The following VWA3B variants were observed in gnomAD, a reference collection of about 807,000 sequenced individuals.
The protein encoded by VWA3B is von Willebrand factor A domain-containing protein 3B.
A neutral mutation model predicts 158.3 loss-of-function variants in VWA3B; 138 were observed. The observed-to-expected ratio is 0.87, with a 90% CI of 0.76 to 1.00. The LOEUF (loss-of-function observed/expected upper bound fraction) is 1.00. Ranked by LOEUF, VWA3B falls within the 50% of genes least tolerant of loss-of-function variation. The probability of loss-of-function intolerance (pLI) is 0.00; values close to 1 mark genes in which losing one functional copy is unlikely to be tolerated. For missense variants in VWA3B, 1,555 were observed against 1,565.1 expected, an observed-to-expected ratio of 0.99 and a Z score of 0.11; for synonymous variants, 596 against 587.3, an observed-to-expected ratio of 1.01 and a Z score of -0.21.
chr2:98,287,811 C>G (rs1343313157), intron 22 of VWA3B, among the ~76,000 whole-genome samples: 1 of 152,128 alleles, frequency 6.6e-6, no homozygotes, highest in Non-Finnish European at 1.5e-5. Context: ...GGACCTTGTT[C>G]GTTTTTAAAG....
chr2:98,171,059 T>C (rs748461276), intron 8 of VWA3B, among the ~76,000 whole-genome samples: 2 of 152,242 alleles, frequency 1.3e-5, no homozygotes, highest in Non-Finnish European at 2.9e-5. Flanking sequence ...AGAAAACACA[T>C]GTAAAACACC....
intron 22 of VWA3B, among the ~76,000 whole-genome samples, chr2:98,276,807 CT>C (rs1257661947): frequency 6.6e-6 from 1 of 152,222 alleles, no homozygotes; most frequent in African/African-American, 2.4e-5. Context: ...ATCTGGCCTG[CT>C]CCAGGGTGCG....
intron 14 of VWA3B, among the ~76,000 whole-genome samples, chr2:98,224,817 ATAGG>A (rs1230370571): frequency 1.3e-5 from 2 of 152,156 alleles, no homozygotes; most frequent in Non-Finnish European, 2.9e-5. Context: ...TTAATTCTAC[ATAGG>A]TAGGTTCAAC....
intron 6 of VWA3B, among the ~76,000 whole-genome samples, chr2:98,128,862 C>T (rs1378465816): frequency 6.6e-6 from 1 of 152,238 alleles, no homozygotes; most frequent in Admixed American, 6.5e-5. Flanking sequence ...CCTGCTTACC[C>T]TTCCTCTCCT....
At chr2:98,205,423 C>G (rs1468165080) in intron 12 of VWA3B, among the ~76,000 whole-genome samples, 1 of 152,116 alleles carries the variant, frequency 6.6e-6, no homozygotes, top group Non-Finnish European at 1.5e-5. Context: ...TTTTACCTTG[C>G]AAATCTTGCT....
At chr2:98,251,710 A>G (rs1457426965) in intron 20 of VWA3B, among the ~76,000 whole-genome samples, 1 of 152,188 alleles carries the variant, frequency 6.6e-6, no homozygotes, top group African/African-American at 2.4e-5. Flanking sequence ...TGTGTCTAGC[A>G]TGTGCTCAGT....
At chr2:98,166,607 C>T (rs1679096143) in intron 8 of VWA3B, among the ~76,000 whole-genome samples, 1 of 152,106 alleles carries the variant, frequency 6.6e-6, no homozygotes, top group Non-Finnish European at 1.5e-5. Flanking sequence ...AAATGTCTGT[C>T]CTTTAAGCCC....
At chr2:98,245,638 A>G (rs1443542073) in intron 19 of VWA3B, 2 of 456,534 alleles carry the variant, frequency 4.4e-6, no homozygotes, top group Non-Finnish European at 8.8e-6. Flanking sequence ...TCTTAAATAC[A>G]TTAAGTCAGG....
At position 98,246,482 on chromosome 2, in the gene VWA3B, A is replaced by T. The variant is rs530421437; in HGVS notation, c.2674-3836A>T. On this transcript the variant is annotated intron_variant, in intron 19 of 27. Transcript: ENST00000477737. ...AACCTCCAACTCCCGAGTTCAAGCG[A>T]TTCTCTTGCCTCAGCCTCCCAGGCA... 3.3e-5 allele frequency among the ~76,000 whole-genome samples: 5 copies of T among 152,180 alleles called. No homozygotes were observed. In the South Asian group the frequency reaches 1.0e-3, roughly 32 times the overall value.
rs113494412 is a variant in VWA3B at position 98,190,203 on chromosome 2, G to A, written c.1466+2074G>A. On this transcript the variant is annotated intron_variant, in intron 10 of 27. Transcript: ENST00000477737. Reference sequence around the variant, plus strand: ...GTCTTATTAGCTCTACCTCTTTGTTGTGTTTTGATGTGTGTGTGTGGCTAT... The same window carrying A: ...GTCTTATTAGCTCTACCTCTTTGTTATGTTTTGATGTGTGTGTGTGGCTAT... 5.0e-3 allele frequency among the ~76,000 whole-genome samples: 757 copies of A among 151,786 alleles called. 6 individuals carry two copies. Among genetic ancestry groups the A allele is most frequent in the African/African-American group, 0.017 (717 of 41,404 alleles).
At chr2:98,244,302 C>T (rs1686255866) in intron 19 of VWA3B, among the ~76,000 whole-genome samples, 1 of 152,104 alleles carries the variant, frequency 6.6e-6, no homozygotes, top group Non-Finnish European at 1.5e-5. Flanking sequence ...TTTCCTGTAT[C>T]TCTTTGCTAT....
chr2:98,307,377 T>C (rs1690590322), intron 26 of VWA3B, among the ~76,000 whole-genome samples: 1 of 152,140 alleles, frequency 6.6e-6, no homozygotes, highest in Non-Finnish European at 1.5e-5. Flanking sequence ...ACTAGCAACT[T>C]AGAACTTTTT....
At chr2:98,092,860 A>ATATATATATATATATG (rs1553633936) in intron 1 of VWA3B, among the ~76,000 whole-genome samples, 1 of 118,518 alleles carries the variant, frequency 8.4e-6, no homozygotes, top group Non-Finnish European at 1.8e-5. Context: ...ATATATATAT[A>ATATATATATATATATG]GTTGAATATT....
chr2:98,235,648 A>T (rs958470406), intron 17 of VWA3B, among the ~76,000 whole-genome samples: 1 of 152,020 alleles, frequency 6.6e-6, no homozygotes, highest in African/African-American at 2.4e-5. Context: ...CTAGTCTCAA[A>T]CTCCTGACCT....
At chr2:98,095,247 C>G (rs946212945) in intron 2 of VWA3B, among the ~76,000 whole-genome samples, 1 of 152,146 alleles carries the variant, frequency 6.6e-6, no homozygotes, top group African/African-American at 2.4e-5. Flanking sequence ...ATTCATCTTT[C>G]CAATCTATGA....
At chr2:98,255,949 G>A (rs938293072) in intron 20 of VWA3B, among the ~76,000 whole-genome samples, 175 bp from the exon 21 acceptor site, 5 of 152,096 alleles carry the variant, frequency 3.3e-5, no homozygotes, top group African/African-American at 1.2e-4. Flanking sequence ...ACAAAACCAC[G>A]AGGCTGCTGC....
intron 10 of VWA3B, among the ~76,000 whole-genome samples, chr2:98,192,042 G>A (rs1681629658): frequency 6.6e-6 from 1 of 152,196 alleles, no homozygotes; most frequent in African/African-American, 2.4e-5. Flanking sequence ...CAGGGCCTTG[G>A]TTATTACAGA....
rs562100038 is a variant in VWA3B at position 98,290,450 on chromosome 2, A to G, written c.3046-61A>G. ...CATATCACTAGGCTACCCAGTATTT[A>G]TCATTTTCAGCATCTGCATTCACTT... On this transcript the variant is annotated intron_variant, in intron 22 of 27. Transcript: ENST00000477737. The G allele has an allele frequency of 3.2e-6, 4 of 1,256,084 alleles. No homozygotes were observed. The African/African-American group carries it at 6.2e-5, about 19-fold the overall frequency. 77.8% of individuals were successfully genotyped at this position (1,256,084 alleles called of 1,614,324 possible).
chr2:98,188,659 C>T (rs897506613), intron 10 of VWA3B, among the ~76,000 whole-genome samples: 5 of 152,152 alleles, frequency 3.3e-5, no homozygotes, highest in African/African-American at 1.2e-4. Context: ...CATGCTGCTG[C>T]GAATGACAGA....
Sources: gnomAD v4.1 joint callset for allele counts (sites outside exome capture counted in the v4.1 genomes callset) on GRCh38, gnomAD v4.1.1 for gene constraint, MANE v1.5 for transcripts, NCBI Gene and HGNC (gene_info 2026-07-23, HGNC 2026-07-21) for gene names.